The following ME2 variants were observed in gnomAD, a reference collection of about 807,000 sequenced individuals.
ME2 encodes NAD-dependent malic enzyme, mitochondrial.
A neutral mutation model predicts 73.7 loss-of-function variants in ME2; 60 were observed. The ratio of observed to expected loss-of-function variants is 0.81; its 90% CI spans 0.66 to 1.01. The LOEUF (loss-of-function observed/expected upper bound fraction) is 1.01. ME2 is among the 50% of genes least tolerant of loss of function. ME2 has a pLI of 0.00. For synonymous variants in ME2, 199 were observed against 236.9 expected (o/e 0.84, Z 1.47); for missense variants, 594 against 705.5 (o/e 0.84, Z 1.79).
chr18:50,891,843 TCA>T (rs1260490052), intron 1 of ME2, among the ~76,000 whole-genome samples: 3 of 151,118 alleles, frequency 2.0e-5, no homozygotes, highest in South Asian at 4.3e-4. Flanking sequence ...AGATGGGGTC[TCA>T]CTCTGTCATC....
chr18:50,899,888 A>G (rs376537646), intron 2 of ME2, among the ~76,000 whole-genome samples: 2 of 152,354 alleles, frequency 1.3e-5, no homozygotes, highest in South Asian at 2.1e-4. Context: ...GCCTCAGTAC[A>G]TGCTGGGTAG....
intron 10 of ME2, 49 bp from the exon 11 acceptor site, chr18:50,924,049 T>A: frequency 8.8e-7 from 1 of 1,133,846 alleles, no homozygotes; most frequent in Non-Finnish European, 1.3e-6. Flanking sequence ...TTATTTCATC[T>A]TTAATATGCA....
chr18:50,923,420 G>A (rs1379284951), intron 10 of ME2, among the ~76,000 whole-genome samples: 1 of 152,108 alleles, frequency 6.6e-6, no homozygotes, highest in Non-Finnish European at 1.5e-5. Context: ...GGGAGAATAT[G>A]TAATATTTGA....
intron 1 of ME2, among the ~76,000 whole-genome samples, chr18:50,880,541 C>T (rs185632066): frequency 2.0e-5 from 3 of 152,320 alleles, no homozygotes; most frequent in Admixed American, 2.0e-4. Context: ...AATTCCAGCA[C>T]TTCTGGGAGG....
At chr18:50,909,348 ATTGGTCTCT>A (rs1363371114) in intron 3 of ME2, among the ~76,000 whole-genome samples, 1 of 152,198 alleles carries the variant, frequency 6.6e-6, no homozygotes, top group Non-Finnish European at 1.5e-5. Flanking sequence ...TATGATTGTT[ATTGGTCTCT>A]AGACCACAAT....
intron 7 of ME2, among the ~76,000 whole-genome samples, chr18:50,919,616 G>T (rs1458188152): frequency 6.6e-6 from 1 of 151,866 alleles, no homozygotes; most frequent in African/African-American, 2.4e-5. Flanking sequence ...TGCATCTTCT[G>T]CTTCAGATCT....
Position 50,947,343 on chromosome 18 carries a change from A to G in ME2, c.*159A>G, listed in dbSNP as rs1918109838. 1 of 654,872 alleles carries G rather than the reference A, an allele frequency of 1.5e-6. No individual in the cohort carries two copies. The highest frequency in any genetic ancestry group is 2.6e-6 in the Non-Finnish European group (1 of 386,932). The allele number at this position is 654,872 out of a possible 1,614,324, so 40.6% of individuals were successfully genotyped here. On this transcript the variant is annotated 3_prime_UTR_variant, in exon 16 of 16. Transcript: ENST00000321341. ...CATGCGTCTCCACATCTGTTGGGGT[A>G]GACGTGTTGATTGATTGCATTGCCC...
At chr18:50,893,307 C>A (rs1313898682) in intron 1 of ME2, among the ~76,000 whole-genome samples, 1 of 151,788 alleles carries the variant, frequency 6.6e-6, no homozygotes, top group Non-Finnish European at 1.5e-5. Context: ...AAAAAGAAAC[C>A]TGAACACTTA....
rs1209460151 is a variant in ME2, at chr18:50,919,008, T to C, written c.734+795T>C. ...TTATTGGCAGTAACATTCATCCTGT[T>C]GCCAAAACTTTGATCTTAGTGTTAT... On this transcript the variant is annotated intron_variant, in intron 7 of 15. Coordinates refer to ENST00000321341, the MANE Select transcript of ME2 (RefSeq NM_002396.5). Among the ~76,000 whole-genome samples the C allele has an allele frequency of 2.0e-5, 3 of 152,210 alleles. No homozygotes were observed. In the East Asian group the frequency reaches 5.8e-4, roughly 29 times the overall value.
intron 13 of ME2, chr18:50,939,047 G>C (rs1216115375): frequency 6.8e-6 from 1 of 148,122 alleles, no homozygotes; most frequent in African/African-American, 2.5e-5. Context: ...AAATATGAAA[G>C]AGCGCTAAAT....
intron 1 of ME2, among the ~76,000 whole-genome samples, chr18:50,886,343 A>T (rs1328976147): frequency 6.6e-6 from 1 of 151,290 alleles, no homozygotes; most frequent in Non-Finnish European, 1.5e-5. Context: ...TCCCAGGTTC[A>T]AGAGATTCTC....
intron 2 of ME2, among the ~76,000 whole-genome samples, chr18:50,900,861 G>T (rs1039113632): frequency 1.1e-4 from 17 of 152,112 alleles, no homozygotes. Context: ...TACCATAATT[G>T]TAAGTTTCCT....
At chr18:50,913,096 T>G (rs542103961) in intron 4 of ME2, 146 bp downstream of exon 4, 4 of 584,478 alleles carry the variant, frequency 6.8e-6, no homozygotes, top group Admixed American at 7.7e-5. Context: ...TAAAAGAGAT[T>G]AACAAAATCC....
intron 3 of ME2, among the ~76,000 whole-genome samples, chr18:50,912,563 T>G (rs1014306668): frequency 6.6e-6 from 1 of 152,196 alleles, no homozygotes; most frequent in African/African-American, 2.4e-5. Context: ...CAGTAAACAT[T>G]GTTTCTATTG....
At chr18:50,883,873 A>G (rs996424985) in intron 1 of ME2, among the ~76,000 whole-genome samples, 23 of 152,124 alleles carry the variant, frequency 1.5e-4, no homozygotes, top group African/African-American at 4.1e-4. Context: ...AAAAACAAAA[A>G]AAGAAACTCT....
At chr18:50,939,707 A>G (rs1232521637) in intron 14 of ME2, 67 bp downstream of exon 14, 6 of 1,094,922 alleles carry the variant, frequency 5.5e-6, no homozygotes, top group South Asian at 1.3e-5. Flanking sequence ...TCTGAAAATT[A>G]AAGGCAGAGA....
rs1383727648 is a variant in ME2, at chr18:50,916,182, C to T, written c.407C>T (p.Ser136Leu). 7.5e-6 allele frequency: 12 copies of T among 1,609,586 alleles called. No individual in the cohort carries two copies. The highest frequency in any genetic ancestry group is 5.1e-5 in the Admixed American group (3 of 59,378). ...IFRRPKGLFI[S>L]ISDRGHVRSI... is the part of the protein sequence containing the mutation. ...TTCTGTTGCAGGGGATTATTTATTT[C>T]GATCTCAGACAGAGGTCATGTTAGA... Residue 136 changes from serine (S) to leucine (L), a missense_variant, in exon 5 of 16, where the codon TCG becomes TTG. By Grantham distance (145) the Ser-to-Leu change is moderately radical. Transcript: ENST00000321341.
Position 50,883,373 on chromosome 18 carries a change from T to C in ME2, c.-13+4065T>C, listed in dbSNP as rs61579820. ...TTGACTATTTCCTTCTCCCTCCAGG[T>C]AGGGGGCCAGGGAGAATAGTCTCCA... On this transcript the variant is annotated intron_variant, in intron 1 of 15. Coordinates refer to ENST00000321341, the MANE Select transcript of ME2 (RefSeq NM_002396.5). Among the ~76,000 whole-genome samples the C allele has an allele frequency of 4.1e-3, 620 of 152,310 alleles. 10 individuals carry two copies. The East Asian group carries it at 0.065, about 16-fold the overall frequency.
intron 3 of ME2, among the ~76,000 whole-genome samples, chr18:50,910,842 A>G (rs1917140023): frequency 6.6e-6 from 1 of 152,234 alleles, no homozygotes; most frequent in Admixed American, 6.5e-5. Context: ...GCTCAGAGTG[A>G]GAGATTTGAT....
Sources: allele counts gnomAD v4.1 joint callset (sites outside exome capture counted in the v4.1 genomes callset), GRCh38; gene constraint gnomAD v4.1.1; transcripts MANE v1.5; gene names NCBI Gene and HGNC (gene_info 2026-07-23, HGNC 2026-07-21).